Variants in CTNND2 observed in about 807,000 individuals in gnomAD.
CTNND2 encodes catenin delta 2.
Under a neutral mutation model 144.4 loss-of-function variants are expected in CTNND2, and 22 were observed. The observed-to-expected ratio is 0.15, with a 90% CI of 0.11 to 0.22. The LOEUF is 0.22. Ranked by LOEUF, CTNND2 falls within the 10% of genes least tolerant of loss-of-function variation. CTNND2 has a pLI of 1.00. For synonymous variants in CTNND2, 751 were observed against 695.6 expected (o/e 1.08, Z -1.25); for missense variants, 1,353 against 1,618.8 (o/e 0.84, Z 2.82).
intron 16 of CTNND2, among the ~76,000 whole-genome samples, chr5:11,058,727 A>G (rs1456144527): frequency 6.6e-6 from 1 of 152,216 alleles, no homozygotes; most frequent in African/African-American, 2.4e-5. Context: ...GAAAAGTCAC[A>G]GACACTCAAT....
intron 18 of CTNND2, among the ~76,000 whole-genome samples, chr5:11,017,559 TATAC>T (rs1176674330): frequency 6.9e-6 from 1 of 144,062 alleles, no homozygotes; most frequent in Non-Finnish European, 1.5e-5. Context: ...TAAAGATATA[TATAC>T]ATATATATAT....
intron 9 of CTNND2, among the ~76,000 whole-genome samples, chr5:11,285,620 C>G (rs913272570): frequency 1.3e-5 from 2 of 152,194 alleles, no homozygotes; most frequent in African/African-American, 2.4e-5. Context: ...GCTGGCCCCT[C>G]TGCAACAACC....
chr5:11,450,114 T>C (rs1035405287), intron 3 of CTNND2, among the ~76,000 whole-genome samples: 65 of 152,356 alleles, frequency 4.3e-4, no homozygotes, highest in African/African-American at 1.5e-3. Context: ...TTCTCAGATC[T>C]TGGCTTCAAT....
intron 1 of CTNND2, among the ~76,000 whole-genome samples, chr5:11,884,849 G>A (rs145841868): frequency 6.6e-6 from 1 of 152,040 alleles, no homozygotes; most frequent in African/African-American, 2.4e-5. Context: ...TAACTAATTT[G>A]TTGAAAGTTT....
chr5:11,429,113 G>A (rs559403783), intron 3 of CTNND2, among the ~76,000 whole-genome samples: 7 of 152,110 alleles, frequency 4.6e-5, no homozygotes, highest in African/African-American at 7.2e-5. Context: ...TGGGGGTGGC[G>A]TTCACATATA....
intron 4 of CTNND2, 77 bp from the exon 5 acceptor site, chr5:11,411,729 T>C (rs111577053): frequency 2.8e-5 from 26 of 930,776 alleles, no homozygotes; most frequent in African/African-American, 8.3e-5. Context: ...CATTTAATCA[T>C]GGAAAATATC....
intron 2 of CTNND2, among the ~76,000 whole-genome samples, chr5:11,722,746 T>C (rs1420880973): frequency 6.6e-6 from 1 of 152,126 alleles, no homozygotes; most frequent in Non-Finnish European, 1.5e-5. Flanking sequence ...AGGAGGGTAA[T>C]TGCCCCCATG....
intron 20 of CTNND2, chr5:10,986,572 G>C (rs12515637): frequency 0.35 from 156,863 of 453,704 alleles, 28,019 homozygotes; most frequent in East Asian, 0.45. Context: ...CAGATTCACA[G>C]CTTTCTTTGT....
chr5:11,316,763 T>G (rs571058043), intron 9 of CTNND2, among the ~76,000 whole-genome samples: 1 of 151,696 alleles, frequency 6.6e-6, no homozygotes, highest in East Asian at 1.9e-4. Context: ...GTCCTTGCGA[T>G]GTTTACTAAG....
At position 11,405,576 on chromosome 5, in the gene CTNND2, G is replaced by GT. The variant is rs1196278388; in HGVS notation, c.439+5959dup. On this transcript the variant is annotated intron_variant, in intron 5 of 21. Transcript: ENST00000304623. ...CAGCCTGGCGACAGAGCAGGACTCC[G>GT]TTAAAAAAAAAAAGAGAGAGAAATT... is the stretch of plus-strand genomic sequence containing the variant. Among the ~76,000 whole-genome samples the GT allele has an allele frequency of 2.0e-5, 3 of 148,628 alleles. No individual in the cohort carries two copies. The East Asian group carries it at 5.9e-4, about 29-fold the overall frequency.
At chr5:11,259,583 G>C (rs550676019) in intron 9 of CTNND2, among the ~76,000 whole-genome samples, 1 of 152,300 alleles carries the variant, frequency 6.6e-6, no homozygotes, top group African/African-American at 2.4e-5. Context: ...AAGATTCACT[G>C]TTCTTTTAGA....
At chr5:11,215,439 C>T (rs1451694690) in intron 10 of CTNND2, among the ~76,000 whole-genome samples, 1 of 152,168 alleles carries the variant, frequency 6.6e-6, no homozygotes, top group Non-Finnish European at 1.5e-5. Context: ...GGAGCCAGTG[C>T]TGAATATATT....
chr5:11,732,202 G>A lies in CTNND2; in HGVS notation c.108C>T (p.Asn36=), dbSNP rs746798318. The A allele has an allele frequency of 1.9e-6, 3 of 1,613,932 alleles. No homozygotes were observed. In the African/African-American group the frequency reaches 4.0e-5, roughly 22 times the overall value. ...EKTSSLSPGL[N]TSNGDGSETE... ...TTTCAGAGCCATCCCCGTTGGAGGT[G>A]TTTAAGCCGGGGCTCAGGGAACTCG... Residue 36 remains asparagine (N), a synonymous_variant, in exon 2 of 22, where the codon AAC becomes AAT. Transcript: ENST00000304623.
Position 10,971,943 on chromosome 5 carries a change from G to A in CTNND2, c.*1510C>T, listed in dbSNP as rs867169195. ...TAAAGAGCAAAGCTAGTTTACCCGC[G>A]GCCCATGTTCTTTTCGATGGTTAGC... On this transcript the variant is annotated 3_prime_UTR_variant, in exon 22 of 22. Transcript: ENST00000304623. 3.9e-5 allele frequency: 6 copies of A among 152,580 alleles called. No individual in the cohort carries two copies. Among genetic ancestry groups the A allele is most frequent in the Non-Finnish European group, 5.9e-5 (4 of 68,030 alleles). 9.5% of individuals were successfully genotyped at this position (152,580 alleles called of 1,614,324 possible). A position where few individuals can be genotyped will look rare whatever the true frequency, so the allele number is the denominator to read the frequency against.
chr5:11,486,297 G>A (rs908154709), intron 3 of CTNND2, among the ~76,000 whole-genome samples: 5 of 152,208 alleles, frequency 3.3e-5, no homozygotes, highest in Non-Finnish European at 5.9e-5. Flanking sequence ...ATAATATCCA[G>A]TAGATCACAC....
chr5:11,616,798 C>T (rs966124807), intron 2 of CTNND2, among the ~76,000 whole-genome samples: 4 of 152,016 alleles, frequency 2.6e-5, no homozygotes, highest in Admixed American at 1.3e-4. Flanking sequence ...GCAGAGACAG[C>T]GTTTCGCCAT....
intron 9 of CTNND2, among the ~76,000 whole-genome samples, chr5:11,250,519 A>ATATATATAT (rs1554012681): frequency 1.2e-5 from 1 of 83,258 alleles, no homozygotes; most frequent in Non-Finnish European, 2.1e-5. Context: ...ATATACATAT[A>ATATATATAT]TTTTTTTTTT....
intron 14 of CTNND2, among the ~76,000 whole-genome samples, chr5:11,107,069 T>G (rs540857993): frequency 5.9e-5 from 9 of 152,298 alleles, no homozygotes; most frequent in African/African-American, 2.2e-4. Context: ...TTACTAACTA[T>G]AAGACCTTAT....
At chr5:11,299,266 T>C (rs1749326019) in intron 9 of CTNND2, among the ~76,000 whole-genome samples, 1 of 152,196 alleles carries the variant, frequency 6.6e-6, no homozygotes, top group Non-Finnish European at 1.5e-5. Flanking sequence ...TGTGGAGGTT[T>C]AGCTACCATT....
Sources: gnomAD v4.1 joint callset for allele counts (sites outside exome capture counted in the v4.1 genomes callset) on GRCh38, gnomAD v4.1.1 for gene constraint, MANE v1.5 for transcripts, NCBI Gene and HGNC (gene_info 2026-07-23, HGNC 2026-07-21) for gene names.